CSMD1: variants seen among roughly 807,000 people sequenced by gnomAD.
CSMD1 encodes CUB and sushi domain-containing protein 1.
CSMD1 carries 213 observed loss-of-function variants against 417.5 expected under a neutral mutation model. The ratio of observed to expected loss-of-function variants is 0.51; its 90% confidence interval spans 0.46 to 0.57. The LOEUF (loss-of-function observed/expected upper bound fraction) is 0.57, where lower values mean the gene tolerates loss of function less well. Ranked by LOEUF, CSMD1 falls within the 20% of genes least tolerant of loss-of-function variation. The pLI, the probability that CSMD1 is intolerant of heterozygous loss-of-function variation, is 0.00. For missense variants in CSMD1, 6,923 were observed against 4,529.7 expected (o/e 1.53, Z -15.17); for synonymous variants, 2,862 against 1,736.8 (o/e 1.65, Z -16.11).
At chr8:4,781,570 G>T (rs751893854) in intron 1 of CSMD1, among the ~76,000 whole-genome samples, 1 of 152,094 alleles carries the variant, frequency 6.6e-6, no homozygotes, top group Non-Finnish European at 1.5e-5. Context: ...CACTTTTGTG[G>T]GTCAATTAGA....
At chr8:4,328,775 C>A (rs888780357) in intron 3 of CSMD1, among the ~76,000 whole-genome samples, 2 of 152,148 alleles carry the variant, frequency 1.3e-5, no homozygotes, top group Non-Finnish European at 2.9e-5. Flanking sequence ...AGTTAGCAAT[C>A]TGACAAAGTA....
chr8:3,993,511 C>T (rs1421723740), intron 5 of CSMD1, among the ~76,000 whole-genome samples: 1 of 152,324 alleles, frequency 6.6e-6, no homozygotes, highest in Non-Finnish European at 1.5e-5. Flanking sequence ...TTTAGCCAGT[C>T]ACCAATTAGA....
At chr8:3,508,918 A>C (rs1210177245) in intron 10 of CSMD1, among the ~76,000 whole-genome samples, 1 of 152,246 alleles carries the variant, frequency 6.6e-6, no homozygotes, top group African/African-American at 2.4e-5. Flanking sequence ...CTTGCACATA[A>C]ATTTTTAAAA....
intron 5 of CSMD1, among the ~76,000 whole-genome samples, chr8:3,878,088 T>C (rs1003670908): frequency 1.3e-5 from 2 of 152,192 alleles, no homozygotes; most frequent in Non-Finnish European, 2.9e-5. Flanking sequence ...ACATTTGCTA[T>C]CAGCTTCTGC....
chr8:3,188,757 CAGTATAAA>C, intron 35 of CSMD1, 122 bp downstream of exon 35: 2 of 471,672 alleles, frequency 4.2e-6, no homozygotes, highest in Non-Finnish European at 6.5e-6. Flanking sequence ...TTAAAATAAC[CAGTATAAA>C]AGGAAAAAAG....
At chr8:4,050,983 G>C (rs940124077) in intron 3 of CSMD1, among the ~76,000 whole-genome samples, 1 of 152,056 alleles carries the variant, frequency 6.6e-6, no homozygotes, top group Non-Finnish European at 1.5e-5. Context: ...GATGGAGGAG[G>C]AGTGACATGC....
At chr8:3,942,275 C>G (rs147424709) in intron 5 of CSMD1, among the ~76,000 whole-genome samples, 54 of 151,960 alleles carry the variant, frequency 3.6e-4, no homozygotes, top group Admixed American at 1.8e-3. Flanking sequence ...AAATGTAATG[C>G]GCTTGAATCA....
intron 41 of CSMD1, among the ~76,000 whole-genome samples, chr8:3,124,474 G>T (rs1817382554): frequency 6.6e-6 from 1 of 152,176 alleles, no homozygotes; most frequent in African/African-American, 2.4e-5. Context: ...TAGGAAAATG[G>T]TGCAGATCAG....
At chr8:4,658,400 C>A (rs1291191121) in intron 1 of CSMD1, among the ~76,000 whole-genome samples, 1 of 152,018 alleles carries the variant, frequency 6.6e-6, no homozygotes, top group Non-Finnish European at 1.5e-5. Context: ...AGAGCACCTG[C>A]AAATTTCTCA....
chr8:4,547,446 A>G (rs1462634967), intron 2 of CSMD1, among the ~76,000 whole-genome samples: 1 of 152,180 alleles, frequency 6.6e-6, no homozygotes, highest in Non-Finnish European at 1.5e-5. Context: ...CAGATTGAAA[A>G]AGAAAAAAAG....
chr8:2,998,286 C>A, intron 53 of CSMD1, 102 bp from the exon 54 acceptor site: 1 of 1,223,980 alleles, frequency 8.2e-7, no homozygotes, highest in Non-Finnish European at 1.2e-6. Flanking sequence ...ACGGTATGGA[C>A]TGAAGGTTTT....
At chr8:3,775,048 T>G (rs1466750738) in intron 5 of CSMD1, among the ~76,000 whole-genome samples, 7 of 152,144 alleles carry the variant, frequency 4.6e-5, no homozygotes, top group Non-Finnish European at 1.0e-4. Flanking sequence ...TTACTCAGAA[T>G]AGCATACAAT....
At chr8:4,763,169 T>C (rs1431393054) in intron 1 of CSMD1, among the ~76,000 whole-genome samples, 1 of 152,210 alleles carries the variant, frequency 6.6e-6, no homozygotes, top group Non-Finnish European at 1.5e-5. Flanking sequence ...CAACGATCAA[T>C]TTAACAGCTT....
intron 41 of CSMD1, among the ~76,000 whole-genome samples, chr8:3,138,871 G>A (rs754139194): frequency 5.9e-5 from 9 of 152,160 alleles, no homozygotes; most frequent in Non-Finnish European, 1.2e-4. Context: ...CATGGTAAAC[G>A]CTTTCATCAC....
intron 3 of CSMD1, among the ~76,000 whole-genome samples, chr8:4,309,256 C>A (rs1798426468): frequency 6.6e-6 from 1 of 151,994 alleles, no homozygotes; most frequent in Non-Finnish European, 1.5e-5. Context: ...AATTAATTCA[C>A]ACCAACTAAT....
chr8:3,281,754 G>A (rs1222599924), intron 26 of CSMD1, among the ~76,000 whole-genome samples: 1 of 152,192 alleles, frequency 6.6e-6, no homozygotes, highest in East Asian at 1.9e-4. Context: ...TACTACAGAT[G>A]CATTTTTCCA....
chr8:4,239,985 TAA>T (rs1156715658), intron 3 of CSMD1, among the ~76,000 whole-genome samples: 2 of 152,212 alleles, frequency 1.3e-5, no homozygotes, highest in African/African-American at 2.4e-5. Context: ...AGTGATTTCT[TAA>T]AAATACATAA....
chr8:3,341,861 T>C (rs571702621), intron 23 of CSMD1, among the ~76,000 whole-genome samples: 1 of 152,254 alleles, frequency 6.6e-6, no homozygotes, highest in South Asian at 2.1e-4. Flanking sequence ...GAAGCGGGGA[T>C]GAAGACATCC....
At chr8:3,946,183 A>G (rs1811212163) in intron 5 of CSMD1, among the ~76,000 whole-genome samples, 1 of 152,156 alleles carries the variant, frequency 6.6e-6, no homozygotes, top group Admixed American at 6.5e-5. Context: ...TACAAAGAAT[A>G]AATCTCAGTG....
Sources: allele counts gnomAD v4.1 joint callset (sites outside exome capture counted in the v4.1 genomes callset), GRCh38; gene constraint gnomAD v4.1.1; transcripts MANE v1.5; gene names NCBI Gene and HGNC (gene_info 2026-07-23, HGNC 2026-07-21).